Variants in HNF4G observed in about 807,000 individuals in gnomAD.
The protein encoded by HNF4G is hepatocyte nuclear factor 4 gamma, also known as hepatocyte nuclear factor 4-gamma.
HNF4G carries 21 observed loss-of-function variants against 50.9 expected under a neutral mutation model. That is an observed-to-expected ratio of 0.41 (90% CI 0.29 to 0.59). HNF4G has a LOEUF of 0.59. HNF4G is among the 20% of genes least tolerant of loss of function. HNF4G has a pLI of 0.26. For synonymous variants in HNF4G, 198 were observed against 185.6 expected, an observed-to-expected ratio of 1.07 and a Z score of -0.54; for missense variants, 527 against 559.4, an observed-to-expected ratio of 0.94 and a Z score of 0.58.
chr8:75,529,302 C>A lies in HNF4G; in HGVS notation c.-23-14509C>A, dbSNP rs1019783009. Among the ~76,000 whole-genome samples the A allele has an allele frequency of 3.3e-5, 5 of 150,948 alleles. No individual in the cohort carries two copies. The East Asian group carries it at 5.9e-4, about 18-fold the overall frequency. Reference sequence around the variant, plus strand: ...CGAGGTTCTGTCTAAAAAAAAAAAACCTCAGATCTCGTGAGAATTCCCTCA... The same window carrying A: ...CGAGGTTCTGTCTAAAAAAAAAAAAACTCAGATCTCGTGAGAATTCCCTCA... On this transcript the variant is annotated intron_variant, in intron 2 of 10. Coordinates refer to the HNF4G transcript ENST00000354370.
intron 1 of HNF4G, among the ~76,000 whole-genome samples, chr8:75,441,281 T>C (rs79597222): frequency 0.06 from 9,008 of 151,370 alleles, 343 homozygotes; most frequent in South Asian, 0.087. Context: ...AGTCTTTCAA[T>C]GTCACCCAGG....
In HNF4G at chr8:75,553,831, ACTT is replaced by A. The variant is rs577832407; in HGVS notation, c.645+637_645+639del. ...AAAGATAGAGTGATCTTTTACTAAT[ACTT>A]CTATTTTCATATTTTGTCATATGCC... is the stretch of plus-strand genomic sequence containing the variant. On this transcript the variant is annotated intron_variant, in intron 5 of 9. Transcript: ENST00000396423. 2.0e-3 allele frequency among the ~76,000 whole-genome samples: 309 copies of A among 152,212 alleles called. 1 individual carries two copies. The highest frequency in any genetic ancestry group is 2.8e-3 in the Non-Finnish European group (190 of 68,008).
chr8:75,417,616 A>C (rs1810672449), intron 1 of HNF4G, among the ~76,000 whole-genome samples: 1 of 152,338 alleles, frequency 6.6e-6, no homozygotes, highest in African/African-American at 2.4e-5. Flanking sequence ...AAAATGAAAT[A>C]AGGTAATTTT....
chr8:75,514,354 C>CTTTTTTTTTTTTTTTTTTTTTTTTTTT (rs36078375), intron 2 of HNF4G, among the ~76,000 whole-genome samples: 1 of 125,036 alleles, frequency 8.0e-6, no homozygotes, highest in Non-Finnish European at 1.6e-5. Flanking sequence ...TTTCTTCTTT[C>CTTTTTTTTTTTTTTTTTTTTTTTTTTT]TTTTTTTTTT....
At chr8:75,510,937 G>A (rs986714400) in intron 2 of HNF4G, among the ~76,000 whole-genome samples, 1 of 152,022 alleles carries the variant, frequency 6.6e-6, no homozygotes, top group African/African-American at 2.4e-5. Context: ...GCTGCCTAAT[G>A]TTCATCCAGT....
chr8:75,461,618 A>G (rs1811843296), intron 1 of HNF4G, among the ~76,000 whole-genome samples: 2 of 152,132 alleles, frequency 1.3e-5, no homozygotes, highest in Admixed American at 6.6e-5. Context: ...AGATCTGGGT[A>G]AGTATAGTGC....
intron 1 of HNF4G, among the ~76,000 whole-genome samples, chr8:75,429,817 G>A (rs1490855939): frequency 6.6e-6 from 1 of 152,094 alleles, no homozygotes; most frequent in African/African-American, 2.4e-5. Flanking sequence ...TTGTATTTCT[G>A]ACAGTATGGT....
At chr8:75,462,259 C>A (rs1348658709) in intron 1 of HNF4G, among the ~76,000 whole-genome samples, 1 of 152,146 alleles carries the variant, frequency 6.6e-6, no homozygotes, top group Non-Finnish European at 1.5e-5. Context: ...TTAGGCATAT[C>A]CAAATTGTCA....
At chr8:75,487,391 A>C (rs1022191383) in intron 1 of HNF4G, among the ~76,000 whole-genome samples, 2 of 152,128 alleles carry the variant, frequency 1.3e-5, no homozygotes, top group Non-Finnish European at 1.5e-5. Context: ...AATATCACTG[A>C]TCTGCTCAAC....
At chr8:75,475,328 A>T (rs1384558313) in intron 1 of HNF4G, among the ~76,000 whole-genome samples, 6 of 152,348 alleles carry the variant, frequency 3.9e-5, no homozygotes, top group African/African-American at 1.4e-4. Flanking sequence ...TTTTTAAAAA[A>T]ACCATGGCTT....
chr8:75,528,219 G>A (rs1363361231), intron 2 of HNF4G, among the ~76,000 whole-genome samples: 3 of 152,148 alleles, frequency 2.0e-5, no homozygotes, highest in Non-Finnish European at 4.4e-5. Context: ...CTAGTGGCAT[G>A]CAATAATATG....
chr8:75,520,793 A>G (rs1380880028), intron 2 of HNF4G, among the ~76,000 whole-genome samples: 1 of 151,882 alleles, frequency 6.6e-6, no homozygotes, highest in African/African-American at 2.4e-5. Flanking sequence ...TTCTTCTACT[A>G]TCTCTTTTTG....
rs1056844743 is a variant in HNF4G at position 75,488,158 on chromosome 8, A to G, written c.-143-1931A>G. 5.3e-5 allele frequency among the ~76,000 whole-genome samples: 8 copies of G among 152,078 alleles called. No individual in the cohort carries two copies. The South Asian group carries it at 6.2e-4, about 12-fold the overall frequency. On this transcript the variant is annotated intron_variant, in intron 1 of 10. Coordinates refer to the HNF4G transcript ENST00000354370. ...CTTGAGGGTAGGAACCATGCTTTAT[A>G]TTTTTCTTTATGTCTTTGGACTCCA...
intron 1 of HNF4G, among the ~76,000 whole-genome samples, chr8:75,482,932 A>G (rs1812414578): frequency 6.6e-6 from 1 of 152,124 alleles, no homozygotes; most frequent in African/African-American, 2.4e-5. Flanking sequence ...TTCCTAGTTA[A>G]CTTTTCATTT....
chr8:75,513,219 G>A (rs1805804424), intron 2 of HNF4G, among the ~76,000 whole-genome samples: 1 of 151,998 alleles, frequency 6.6e-6, no homozygotes, highest in Non-Finnish European at 1.5e-5. Context: ...TGTATTTTTA[G>A]TAGAGATGGG....
chr8:75,426,130 C>A (rs145314493), intron 1 of HNF4G, among the ~76,000 whole-genome samples: 81 of 152,310 alleles, frequency 5.3e-4, no homozygotes, highest in African/African-American at 1.9e-3. Flanking sequence ...TCCTTTCTTT[C>A]CGTATAAGCT....
At chr8:75,453,784 T>C (rs1489565115) in intron 1 of HNF4G, among the ~76,000 whole-genome samples, 1 of 152,140 alleles carries the variant, frequency 6.6e-6, no homozygotes, top group Admixed American at 6.5e-5. Context: ...CTGATCCTAA[T>C]GTTTTTTGCT....
chr8:75,539,788 G>T, upstream of HNF4G: 1 of 525,670 alleles, frequency 1.9e-6, no homozygotes, highest in Non-Finnish European at 3.4e-6. Context: ...GAAATAAGCA[G>T]AATATGGCCT....
At chr8:75,537,874 T>C (rs890808148), upstream of HNF4G, among the ~76,000 whole-genome samples, 2 of 152,150 alleles carry the variant, frequency 1.3e-5, no homozygotes, top group African/African-American at 4.8e-5. Flanking sequence ...GAAGTAAAGA[T>C]ATATCTTTTT....
Sources: gnomAD v4.1 joint callset for allele counts (sites outside exome capture counted in the v4.1 genomes callset) on GRCh38, gnomAD v4.1.1 for gene constraint, MANE v1.5 for transcripts, NCBI Gene and HGNC (gene_info 2026-07-23, HGNC 2026-07-21) for gene names.